Variants in SH3RF2 observed in about 807,000 individuals in gnomAD.
SH3RF2 encodes SH3 domain containing ring finger 2.
SH3RF2 carries 43 observed loss-of-function variants against 59.0 expected under a neutral mutation model. The observed-to-expected ratio is 0.73, with a 90% CI of 0.57 to 0.94. The LOEUF is 0.94. SH3RF2 is among the 40% of genes least tolerant of loss of function. SH3RF2 has a pLI of 0.00. For synonymous variants in SH3RF2, 391 were observed against 391.5 expected (o/e 1.00, Z 0.01); for missense variants, 930 against 940.1 (o/e 0.99, Z 0.14).
At chr5:146,024,422 T>G (rs2149999731) in intron 5 of SH3RF2, among the ~76,000 whole-genome samples, 1 of 152,346 alleles carries the variant, frequency 6.6e-6, no homozygotes, top group Non-Finnish European at 1.5e-5. Flanking sequence ...TCGGGTTTCC[T>G]TATTATTATT....
chr5:146,013,289 T>C (rs1459557487), intron 4 of SH3RF2, among the ~76,000 whole-genome samples: 4 of 151,842 alleles, frequency 2.6e-5, no homozygotes, highest in Non-Finnish European at 5.9e-5. Flanking sequence ...AGGATTGCAG[T>C]TTGGAGTGGA....
chr5:146,065,025 A>G (rs1477427519), downstream of SH3RF2, among the ~76,000 whole-genome samples: 1 of 152,180 alleles, frequency 6.6e-6, no homozygotes, highest in Non-Finnish European at 1.5e-5. Flanking sequence ...GACTTTTTCC[A>G]GACCTTAATA....
intron 2 of SH3RF2, among the ~76,000 whole-genome samples, chr5:145,984,135 G>A (rs1759610719): frequency 6.6e-6 from 1 of 151,886 alleles, no homozygotes; most frequent in Non-Finnish European, 1.5e-5. Flanking sequence ...GTCCCATAAA[G>A]GCAGGTATTG....
At chr5:146,004,183 T>C in intron 4 of SH3RF2, 30 bp downstream of exon 4, 1 of 1,563,312 alleles carries the variant, frequency 6.4e-7, no homozygotes, top group East Asian at 2.3e-5. Flanking sequence ...ACATCTGATT[T>C]ACGCATACAC....
chr5:145,981,941 A>G (rs920700818), intron 2 of SH3RF2, among the ~76,000 whole-genome samples: 10 of 152,232 alleles, frequency 6.6e-5, no homozygotes, highest in African/African-American at 2.4e-4. Context: ...TATGCACTCA[A>G]GAACAAAGCT....
chr5:145,979,152 A>C (rs11167922), intron 2 of SH3RF2, among the ~76,000 whole-genome samples: 19,396 of 152,206 alleles, frequency 0.13, 1,390 homozygotes, highest in East Asian at 0.25. Context: ...AATAGTTCCC[A>C]AAGTGTGGTC....
At chr5:146,053,535 G>A (rs1762570057) in intron 7 of SH3RF2, among the ~76,000 whole-genome samples, 1 of 150,922 alleles carries the variant, frequency 6.6e-6, no homozygotes, top group Non-Finnish European at 1.5e-5. Context: ...ATTCCCTCTT[G>A]GGATTTGGAA....
At position 145,985,337 on chromosome 5, in the gene SH3RF2, A is replaced by T. The variant is rs142415304; in HGVS notation, c.379-14721A>T. On this transcript the variant is annotated intron_variant, in intron 2 of 9. Coordinates refer to ENST00000359120, the MANE Select transcript of SH3RF2 (RefSeq NM_152550.4). Reference sequence around the variant, plus strand: ...AACTTGTAAATCTTAAAAGATGGAGATTAATTAAGTAAACCACTTGAAATC... The same window carrying T: ...AACTTGTAAATCTTAAAAGATGGAGTTTAATTAAGTAAACCACTTGAAATC... Among the ~76,000 whole-genome samples, 237 of 152,334 alleles carry T rather than the reference A, an allele frequency of 1.6e-3. 1 individual carries two copies. The highest frequency in any genetic ancestry group is 5.5e-3 in the African/African-American group (230 of 41,566).
chr5:146,030,067 G>A (rs773698513), intron 5 of SH3RF2, among the ~76,000 whole-genome samples: 4 of 152,152 alleles, frequency 2.6e-5, no homozygotes, highest in African/African-American at 9.7e-5. Flanking sequence ...GTTTTCTCAC[G>A]CTGAGTATAG....
chr5:145,952,128 A>C (rs1044421281), intron 2 of SH3RF2, among the ~76,000 whole-genome samples: 5 of 152,012 alleles, frequency 3.3e-5, no homozygotes, highest in African/African-American at 1.2e-4. Flanking sequence ...TATTATTGCC[A>C]CTCTCTCTGC....
chr5:145,995,953 A>G (rs541408562), intron 2 of SH3RF2, among the ~76,000 whole-genome samples: 2 of 152,294 alleles, frequency 1.3e-5, no homozygotes, highest in East Asian at 3.9e-4. Context: ...AATTTATTCA[A>G]CCAATTCCCT....
chr5:145,947,100 C>T (rs937408891), intron 2 of SH3RF2, among the ~76,000 whole-genome samples: 5 of 151,088 alleles, frequency 3.3e-5, no homozygotes, highest in Non-Finnish European at 7.4e-5. Context: ...TTTCATCACC[C>T]CATACTGAAA....
chr5:146,055,753 C>G, intron 7 of SH3RF2: 1 of 573,790 alleles, frequency 1.7e-6, no homozygotes, highest in Non-Finnish European at 3.1e-6. Context: ...TGATATGAGC[C>G]CCCCTTCCTT....
chr5:146,019,983 T>C (rs558379163), intron 5 of SH3RF2, among the ~76,000 whole-genome samples: 6 of 152,320 alleles, frequency 3.9e-5, no homozygotes, highest in African/African-American at 1.4e-4. Context: ...CTGAATTCAT[T>C]GATACATCTA....
At chr5:145,969,740 A>C (rs537648280) in intron 2 of SH3RF2, among the ~76,000 whole-genome samples, 23 of 152,202 alleles carry the variant, frequency 1.5e-4, no homozygotes, top group Non-Finnish European at 2.8e-4. Flanking sequence ...CTTTCTAAAA[A>C]AAAAAAAATA....
chr5:146,011,305 AGGT>A (rs1458759438), intron 4 of SH3RF2, among the ~76,000 whole-genome samples: 12 of 152,172 alleles, frequency 7.9e-5, no homozygotes, highest in African/African-American at 2.9e-4. Context: ...GTTTGAAGTC[AGGT>A]AGCGTGATGC....
intron 4 of SH3RF2, among the ~76,000 whole-genome samples, chr5:146,006,180 T>C (rs757117949): frequency 1.7e-4 from 26 of 152,020 alleles, no homozygotes; most frequent in African/African-American, 4.4e-4. Flanking sequence ...TCCCAACACA[T>C]TGGGGGCCAA....
chr5:146,038,358 G>A (rs1762013548), intron 5 of SH3RF2, among the ~76,000 whole-genome samples: 3 of 152,092 alleles, frequency 2.0e-5, no homozygotes, highest in Admixed American at 6.5e-5. Context: ...AGAAGTAAAA[G>A]GTTAAGTCTT....
intron 2 of SH3RF2, among the ~76,000 whole-genome samples, chr5:145,942,204 G>C (rs1757841703): frequency 6.6e-6 from 1 of 152,172 alleles, no homozygotes. Context: ...GCAAGAACCT[G>C]GTCTACTTCC....
Sources: gnomAD v4.1 joint callset for allele counts (sites outside exome capture counted in the v4.1 genomes callset) on GRCh38, gnomAD v4.1.1 for gene constraint, MANE v1.5 for transcripts, NCBI Gene and HGNC (gene_info 2026-07-23, HGNC 2026-07-21) for gene names.